Variants in PDE3A observed in about 807,000 individuals in gnomAD.
PDE3A encodes the protein cGMP-inhibited 3',5'-cyclic phosphodiesterase 3A.
A neutral mutation model predicts 98.3 loss-of-function variants in PDE3A; 43 were observed. The ratio of observed to expected loss-of-function variants is 0.44; its 90% CI spans 0.34 to 0.56. The LOEUF (loss-of-function observed/expected upper bound fraction) is 0.56, where lower values mean the gene tolerates loss of function less well. Ranked by LOEUF, PDE3A falls within the 20% of genes least tolerant of loss-of-function variation. PDE3A has a pLI of 0.01. For missense variants in PDE3A, 1,427 were observed against 1,440.7 expected, an observed-to-expected ratio of 0.99 and a Z score of 0.15; for synonymous variants, 663 against 567.9, an observed-to-expected ratio of 1.17 and a Z score of -2.38.
At chr12:20,558,707 A>G (rs916841468) in intron 2 of PDE3A, among the ~76,000 whole-genome samples, 2 of 150,838 alleles carry the variant, frequency 1.3e-5, no homozygotes, top group East Asian at 3.9e-4. Flanking sequence ...TAATAATAAT[A>G]ATAATAATAA....
chr12:20,446,095 C>A (rs548734900), intron 1 of PDE3A, among the ~76,000 whole-genome samples: 2 of 152,142 alleles, frequency 1.3e-5, no homozygotes, highest in African/African-American at 4.8e-5. Context: ...TTTTTCCCTT[C>A]GCCCTTTCTC....
intron 1 of PDE3A, among the ~76,000 whole-genome samples, chr12:20,553,503 C>T (rs1017818834): frequency 1.5e-5 from 2 of 133,430 alleles, no homozygotes; most frequent in African/African-American, 5.8e-5. Context: ...CCCGTGGCAG[C>T]CCGTGGCATG....
chr12:20,674,256 T>A (rs2120451383), intron 15 of PDE3A, among the ~76,000 whole-genome samples: 1 of 152,306 alleles, frequency 6.6e-6, no homozygotes, highest in Non-Finnish European at 1.5e-5. Flanking sequence ...TTATGTCATC[T>A]ACAAAGAGGG....
In PDE3A at chr12:20,453,272, C is replaced by T. The variant is rs542533521; in HGVS notation, c.960+83028C>T. Among the ~76,000 whole-genome samples the T allele has an allele frequency of 7.4e-5, 11 of 149,342 alleles. No homozygotes were observed. The South Asian group carries it at 2.1e-3, about 29-fold the overall frequency. On this transcript the variant is annotated intron_variant, in intron 1 of 15. Transcript: ENST00000359062. ...CACTGCAACCTCCAACTCCCAGGTT[C>T]AAGCAGTTCTCTTGCCTCAGCCTCC...
At chr12:20,551,638 G>T (rs1007384253) in intron 1 of PDE3A, 2 of 1,586,904 alleles carry the variant, frequency 1.3e-6, no homozygotes, top group Admixed American at 3.6e-5. Flanking sequence ...CGATGAGTGC[G>T]ACATGGCCTT....
At chr12:20,610,631 T>C (rs1943826092) in intron 2 of PDE3A, among the ~76,000 whole-genome samples, 2 of 152,098 alleles carry the variant, frequency 1.3e-5, no homozygotes, top group African/African-American at 4.8e-5. Flanking sequence ...TGTCCATGAA[T>C]GAATGGATGA....
chr12:20,669,752 G>A (rs1437002059), intron 15 of PDE3A, among the ~76,000 whole-genome samples: 2 of 152,064 alleles, frequency 1.3e-5, no homozygotes, highest in Non-Finnish European at 1.5e-5. Context: ...ATCATGCCAA[G>A]ATGTAAAGAC....
At chr12:20,543,733 A>G (rs1294059631) in intron 1 of PDE3A, among the ~76,000 whole-genome samples, 1 of 152,028 alleles carries the variant, frequency 6.6e-6, no homozygotes, top group Admixed American at 6.6e-5. Flanking sequence ...TGTGAATTTT[A>G]CGTTTCTCAA....
chr12:20,593,136 G>C (rs565068331), intron 2 of PDE3A, among the ~76,000 whole-genome samples: 15 of 152,080 alleles, frequency 9.9e-5, no homozygotes, highest in Non-Finnish European at 1.9e-4. Context: ...GAATGAAGCT[G>C]GAATGTTTTT....
At chr12:20,389,535 G>A (rs941368219) in intron 1 of PDE3A, among the ~76,000 whole-genome samples, 1 of 151,828 alleles carries the variant, frequency 6.6e-6, no homozygotes, top group African/African-American at 2.4e-5. Context: ...TGGCTTGTGG[G>A]AATTCTCCTT....
In PDE3A at chr12:20,680,275, T is replaced by C. The variant is rs769523173; in HGVS notation, c.*4T>C. 59 of 1,613,286 alleles carry C rather than the reference T, an allele frequency of 3.7e-5. No individual in the cohort carries two copies. Among genetic ancestry groups the C allele is most frequent in the Non-Finnish European group, 4.7e-5 (56 of 1,179,682 alleles). ...AACCCAAAAGCCAGACCAGTGACAA[T>C]GGATAGAATGGGCTGTGTTTCCAAA... On this transcript the variant is annotated 3_prime_UTR_variant, in exon 16 of 16. Coordinates refer to ENST00000359062, the MANE Select transcript of PDE3A (RefSeq NM_000921.5).
chr12:20,616,534 G>A (rs1944011948), intron 4 of PDE3A, 150 bp downstream of exon 4: 1 of 666,300 alleles, frequency 1.5e-6, no homozygotes, highest in South Asian at 2.0e-5. Flanking sequence ...CAAATGCAGA[G>A]CAGTATAGGG....
chr12:20,499,361 A>G (rs1945980053), intron 1 of PDE3A, among the ~76,000 whole-genome samples: 1 of 152,184 alleles, frequency 6.6e-6, no homozygotes, highest in African/African-American at 2.4e-5. Flanking sequence ...AGAGATATGC[A>G]GTGAATAGAG....
intron 5 of PDE3A, among the ~76,000 whole-genome samples, chr12:20,625,757 G>C (rs1165482899): frequency 6.6e-6 from 1 of 152,062 alleles, no homozygotes; most frequent in Admixed American, 6.6e-5. Context: ...ATTTTCTCAT[G>C]CCCTCAGGAA....
intron 12 of PDE3A, among the ~76,000 whole-genome samples, chr12:20,647,747 T>C (rs1277535618): frequency 6.6e-6 from 1 of 152,112 alleles, no homozygotes; most frequent in Non-Finnish European, 1.5e-5. Flanking sequence ...CTTGAATCTA[T>C]ATACAATAAA....
At chr12:20,597,266 G>A (rs559547242) in intron 2 of PDE3A, among the ~76,000 whole-genome samples, 1 of 152,216 alleles carries the variant, frequency 6.6e-6, no homozygotes, top group African/African-American at 2.4e-5. Context: ...GAACCCTCAG[G>A]TATTCTGAGA....
intron 15 of PDE3A, among the ~76,000 whole-genome samples, chr12:20,668,490 A>G (rs1945382145): frequency 6.6e-6 from 1 of 152,178 alleles, no homozygotes; most frequent in Non-Finnish European, 1.5e-5. Context: ...CCCAGCATGC[A>G]GCTGGAGATC....
At chr12:20,675,429 C>T (rs7316120) in intron 15 of PDE3A, among the ~76,000 whole-genome samples, 6,835 of 152,214 alleles carry the variant, frequency 0.045, 269 homozygotes, top group African/African-American at 0.1. Context: ...AGTCCATTGG[C>T]CTAAAATGCA....
chr12:20,648,661 G>T (rs1171981949), intron 12 of PDE3A, 27 bp from the exon 13 acceptor site: 7 of 1,424,260 alleles, frequency 4.9e-6, no homozygotes, highest in South Asian at 1.2e-5. Context: ...TTAAAAAGTT[G>T]AACTCTTAAC....
Sources: allele counts gnomAD v4.1 joint callset (sites outside exome capture counted in the v4.1 genomes callset), GRCh38; gene constraint gnomAD v4.1.1; transcripts MANE v1.5; gene names NCBI Gene and HGNC (gene_info 2026-07-23, HGNC 2026-07-21).